Variants in CCDC141 observed in about 807,000 individuals in gnomAD.
CCDC141 encodes coiled-coil domain containing 141, also known as coiled-coil domain-containing protein 141.
A neutral mutation model predicts 181.0 loss-of-function variants in CCDC141; 168 were observed. The observed-to-expected ratio is 0.93, with a 90% CI of 0.82 to 1.05. The LOEUF (loss-of-function observed/expected upper bound fraction) is 1.05. Ranked by LOEUF, CCDC141 falls within the 50% of genes least tolerant of loss-of-function variation. CCDC141 has a pLI of 0.00. For synonymous variants in CCDC141, 666 were observed against 642.3 expected (o/e 1.04, Z -0.56); for missense variants, 1,902 against 1,788.5 (o/e 1.06, Z -1.14).
At chr2:179,010,868 T>C (rs2042248778) in intron 2 of CCDC141, among the ~76,000 whole-genome samples, 1 of 152,064 alleles carries the variant, frequency 6.6e-6, no homozygotes, top group South Asian at 2.1e-4. Context: ...ACTTAAAAGA[T>C]ACAGAACCGG....
At chr2:178,829,083 C>G (rs975989344), downstream of CCDC141, among the ~76,000 whole-genome samples, 1 of 152,134 alleles carries the variant, frequency 6.6e-6, no homozygotes, top group African/African-American at 2.4e-5. Flanking sequence ...TAGAAAACTT[C>G]ATGTTATGTA....
At chr2:179,018,497 CA>C (rs1161360719) in intron 2 of CCDC141, among the ~76,000 whole-genome samples, 7 of 152,126 alleles carry the variant, frequency 4.6e-5, no homozygotes, top group African/African-American at 1.7e-4. Flanking sequence ...AATAATGTCA[CA>C]AATTTCTTTT....
intron 6 of CCDC141, 120 bp downstream of exon 6, chr2:178,944,415 A>C: frequency 2.2e-6 from 1 of 455,028 alleles, no homozygotes; most frequent in Non-Finnish European, 3.8e-6. Flanking sequence ...ATTTTTTTAC[A>C]TGAACAGTAG....
chr2:178,946,504 T>C (rs1689739057), intron 5 of CCDC141, among the ~76,000 whole-genome samples: 1 of 152,166 alleles, frequency 6.6e-6, no homozygotes, highest in Non-Finnish European at 1.5e-5. Context: ...TTATTTATTC[T>C]TAGCTAAAGT....
At chr2:179,033,377 C>T (rs1160547399) in intron 2 of CCDC141, among the ~76,000 whole-genome samples, 1 of 152,008 alleles carries the variant, frequency 6.6e-6, no homozygotes, top group Non-Finnish European at 1.5e-5. Flanking sequence ...ATTGCAAATA[C>T]TATGCCATTT....
intron 6 of CCDC141, among the ~76,000 whole-genome samples, chr2:178,942,227 T>A (rs1381471431): frequency 6.6e-6 from 1 of 151,946 alleles, no homozygotes; most frequent in East Asian, 1.9e-4. Flanking sequence ...AATAGCTGAG[T>A]AGCATGCAAC....
intron 5 of CCDC141, among the ~76,000 whole-genome samples, chr2:178,946,584 T>C (rs1202464229): frequency 2.0e-5 from 3 of 152,082 alleles, no homozygotes; most frequent in African/African-American, 4.8e-5. Flanking sequence ...GGATGAAAAA[T>C]GGGTACAAAC....
downstream of CCDC141, among the ~76,000 whole-genome samples, chr2:178,828,742 C>T (rs927885077): frequency 5.3e-5 from 8 of 152,182 alleles, no homozygotes; most frequent in African/African-American, 1.9e-4. Context: ...ATACTTATTA[C>T]AAAGCGAGGT....
chr2:178,867,904 C>A, intron 16 of CCDC141, 122 bp downstream of exon 16: 2 of 728,470 alleles, frequency 2.7e-6, no homozygotes, highest in Non-Finnish European at 4.1e-6. Context: ...AAATAACTAC[C>A]CCAATGGTTT....
At chr2:179,011,216 G>T (rs1008790712) in intron 2 of CCDC141, among the ~76,000 whole-genome samples, 2 of 151,942 alleles carry the variant, frequency 1.3e-5, no homozygotes, top group Non-Finnish European at 2.9e-5. Flanking sequence ...CCAACTATCT[G>T]CTGCCTTCAG....
the CCDC141 span, among the ~76,000 whole-genome samples, chr2:178,816,807 A>G: frequency 1.3e-5 from 2 of 152,296 alleles, no homozygotes; most frequent in East Asian, 3.9e-4. Context: ...GGAGTATTCT[A>G]CAATAAGAAG....
In CCDC141 at chr2:179,049,989, G is replaced by A. The variant is rs928531711; in HGVS notation, c.-48C>T. 14 of 1,549,110 alleles carry A rather than the reference G, an allele frequency of 9.0e-6. No homozygotes were observed. Among genetic ancestry groups the A allele is most frequent in the Non-Finnish European group, 1.2e-5 (14 of 1,146,200 alleles). On this transcript the variant is annotated 5_prime_UTR_variant, in exon 1 of 24. Transcript: ENST00000443758. ...TACTTTGGGCAGCCTCTGGACAGTT[G>A]TGTGTCTGCTGGTCATTTCAGAAGG...
chr2:178,973,655 A>G (rs1690997115), intron 4 of CCDC141, among the ~76,000 whole-genome samples: 1 of 152,144 alleles, frequency 6.6e-6, no homozygotes, highest in Non-Finnish European at 1.5e-5. Flanking sequence ...ATTCCCAAAC[A>G]TGTATGGAAA....
chr2:179,048,846 C>T (rs764533124), intron 1 of CCDC141, among the ~76,000 whole-genome samples: 3 of 152,164 alleles, frequency 2.0e-5, no homozygotes, highest in Non-Finnish European at 4.4e-5. Context: ...ATCAAGTGCT[C>T]TTTTCCTGGT....
rs1163354937 is a variant in CCDC141, at chr2:179,015,079, T to G, written c.225+32205A>C. On this transcript the variant is annotated intron_variant, in intron 2 of 23. Transcript: ENST00000443758. ...TGAGAGAGACAGAGATATATATATA[T>G]ATATATATATATATATATATATATA... Among the ~76,000 whole-genome samples, 75 of 25,258 alleles carry G rather than the reference T, an allele frequency of 3.0e-3. 6 individuals are homozygous for G. The highest frequency in any genetic ancestry group is 9.1e-3 in the African/African-American group (74 of 8,164). The allele number at this position is 25,258 out of a possible 152,430, so 16.6% of individuals were successfully genotyped here. A position where few individuals can be genotyped will look rare whatever the true frequency, so the allele number is the denominator to read the frequency against.
chr2:178,981,096 T>C (rs1027175218), intron 2 of CCDC141, among the ~76,000 whole-genome samples: 6 of 152,250 alleles, frequency 3.9e-5, no homozygotes, highest in Admixed American at 2.0e-4. Flanking sequence ...ATTCAAAATA[T>C]ATGAGGCAAA....
chr2:179,023,636 A>C (rs958977920), intron 2 of CCDC141, among the ~76,000 whole-genome samples: 3 of 152,236 alleles, frequency 2.0e-5, no homozygotes, highest in African/African-American at 7.2e-5. Context: ...AATTTAGACA[A>C]AAACTATCTT....
At chr2:178,879,784 G>A (rs1375375910) in intron 11 of CCDC141, among the ~76,000 whole-genome samples, 1 of 152,216 alleles carries the variant, frequency 6.6e-6, no homozygotes, top group African/African-American at 2.4e-5. Context: ...TGTCCACAGT[G>A]AGAAGGCGTC....
At chr2:178,981,661 T>C (rs1438846384) in intron 2 of CCDC141, among the ~76,000 whole-genome samples, 2 of 136,248 alleles carry the variant, frequency 1.5e-5, no homozygotes, top group East Asian at 2.3e-4. Context: ...TATATATACA[T>C]ACATATATAC....
Sources: allele counts gnomAD v4.1 joint callset (sites outside exome capture counted in the v4.1 genomes callset), GRCh38; gene constraint gnomAD v4.1.1; transcripts MANE v1.5; gene names NCBI Gene and HGNC (gene_info 2026-07-23, HGNC 2026-07-21).